Variants in PDZD9 observed in about 807,000 individuals in gnomAD.
The protein encoded by PDZD9 is PDZ domain-containing protein 9.
PDZD9 carries 13 observed loss-of-function variants against 16.3 expected under a neutral mutation model. The ratio of observed to expected loss-of-function variants is 0.80; its 90% CI spans 0.52 to 1.27. The LOEUF (loss-of-function observed/expected upper bound fraction) is 1.27. Among genes scored for constraint, PDZD9 ranks in the 50% most tolerant of loss-of-function variants. The probability of loss-of-function intolerance (pLI) is 0.00; values close to 1 mark genes in which losing one functional copy is unlikely to be tolerated. For synonymous variants in PDZD9, 120 were observed against 111.0 expected (o/e 1.08, Z -0.51); for missense variants, 288 against 310.9 (o/e 0.93, Z 0.55).
the PDZD9 span, chr16:21,962,749 T>C: frequency 6.2e-7 from 1 of 1,613,996 alleles, no homozygotes; most frequent in Non-Finnish European, 8.5e-7. Flanking sequence ...CTTATCTCGA[T>C]GTCTTCTGTA....
At chr16:21,994,876 G>A (rs1225288773) in intron 2 of PDZD9, among the ~76,000 whole-genome samples, 2 of 151,086 alleles carry the variant, frequency 1.3e-5, no homozygotes, top group Non-Finnish European at 2.9e-5. Context: ...TGTTACCCAG[G>A]TTGGCATGCA....
chr16:21,963,963 AATT>A, the PDZD9 span, among the ~76,000 whole-genome samples: 1 of 152,110 alleles, frequency 6.6e-6, no homozygotes, highest in Non-Finnish European at 1.5e-5. Context: ...TATAATGTCT[AATT>A]ATATAATCTT....
At chr16:21,993,360 G>A (rs955846337) in intron 2 of PDZD9, among the ~76,000 whole-genome samples, 3 of 152,120 alleles carry the variant, frequency 2.0e-5, no homozygotes, top group Non-Finnish European at 4.4e-5. Context: ...TGAAGAAGCT[G>A]AGAAGCAGCA....
the PDZD9 span, among the ~76,000 whole-genome samples, chr16:21,977,367 A>T: frequency 6.6e-6 from 1 of 152,046 alleles, no homozygotes; most frequent in Non-Finnish European, 1.5e-5. Flanking sequence ...AAAAAAAAAA[A>T]TGTATTTCTA....
At chr16:21,988,871 A>T in intron 2 of PDZD9, 80 bp from the exon 3 acceptor site, 2 of 1,078,684 alleles carry the variant, frequency 1.9e-6, no homozygotes, top group Non-Finnish European at 1.3e-6. Flanking sequence ...ATTGTGAGGT[A>T]TTTCATTTTA....
the PDZD9 span, chr16:21,965,462 T>C: frequency 1.2e-6 from 2 of 1,613,816 alleles, no homozygotes; most frequent in Non-Finnish European, 1.7e-6. Flanking sequence ...GCTAATCCCT[T>C]GTATTGTCCT....
chr16:21,965,643 G>T, the PDZD9 span: 1 of 633,972 alleles, frequency 1.6e-6, no homozygotes, highest in Non-Finnish European at 2.4e-6. Flanking sequence ...TCATCCACCT[G>T]CTTTTTAACT....
chr16:21,961,011 G>A, the PDZD9 span, among the ~76,000 whole-genome samples: 1 of 151,896 alleles, frequency 6.6e-6, no homozygotes, highest in Non-Finnish European at 1.5e-5. Context: ...TTTATTTTTT[G>A]TACAAATGGA....
At position 21,987,562 on chromosome 16, in the gene PDZD9, CAG is replaced by C. The variant is rs561737947; in HGVS notation, c.401+1038_401+1039del. Among the ~76,000 whole-genome samples the C allele has an allele frequency of 1.9e-3, 294 of 152,228 alleles. 3 individuals are homozygous for C. The highest frequency in any genetic ancestry group is 1.9e-3 in the Non-Finnish European group (128 of 68,022). Reference sequence around the variant, plus strand: ...AAATGGCCAGAGGTAACAGGAAAATCAGGGGAGTGTGGTGTCACAGAAGCCTG... The same window carrying C: ...AAATGGCCAGAGGTAACAGGAAAATCGGGAGTGTGGTGTCACAGAAGCCTG... On this transcript the variant is annotated intron_variant, in intron 3 of 3. Coordinates refer to ENST00000424898, the MANE Select transcript of PDZD9 (RefSeq NM_001363519.1).
the PDZD9 span, among the ~76,000 whole-genome samples, chr16:21,961,755 G>A: frequency 1.3e-5 from 2 of 149,204 alleles, no homozygotes; most frequent in South Asian, 4.3e-4. Context: ...GGGTTCAAGC[G>A]ATTCTCCTGC....
At chr16:21,998,800 A>AG (rs1202247114) in intron 1 of PDZD9, 3 of 152,212 alleles carry the variant, frequency 2.0e-5, no homozygotes, top group East Asian at 3.8e-4. Flanking sequence ...AAAAAAAAAA[A>AG]AAGAGAGAGA....
chr16:21,959,858 T>G, the PDZD9 span: 9 of 152,254 alleles, frequency 5.9e-5, no homozygotes, highest in Admixed American at 5.9e-4. Flanking sequence ...ATCAGAGCTC[T>G]TGGCATTGTT....
At chr16:21,964,692 C>CACT in the PDZD9 span, among the ~76,000 whole-genome samples, 1 of 152,164 alleles carries the variant, frequency 6.6e-6, no homozygotes, top group Non-Finnish European at 1.5e-5. Flanking sequence ...TTCCAATTCC[C>CACT]ACTGCCCTTG....
At chr16:21,977,788 C>G in the PDZD9 span, among the ~76,000 whole-genome samples, 1 of 152,290 alleles carries the variant, frequency 6.6e-6, no homozygotes, top group Admixed American at 6.5e-5. Flanking sequence ...AGAATTACAA[C>G]CCAGGATGGA....
At chr16:21,962,131 A>G in the PDZD9 span, 1 of 229,318 alleles carries the variant, frequency 4.4e-6, no homozygotes, top group African/African-American at 2.3e-5. Flanking sequence ...AGTCTCTACA[A>G]ATTTGACTAC....
the PDZD9 span, among the ~76,000 whole-genome samples, chr16:21,965,838 T>C: frequency 6.6e-6 from 1 of 152,128 alleles, no homozygotes. Context: ...GTTTTCTGTG[T>C]GTATGTATCT....
downstream of PDZD9, chr16:21,982,949 G>C (rs1898768824): frequency 1.3e-6 from 1 of 760,002 alleles, no homozygotes; most frequent in African/African-American, 1.9e-5. Context: ...GGGTGACAGA[G>C]CGAGACTCCA....
chr16:21,958,805 A>G, the PDZD9 span, among the ~76,000 whole-genome samples: 1 of 152,208 alleles, frequency 6.6e-6, no homozygotes, highest in Non-Finnish European at 1.5e-5. Context: ...GATATCTGCA[A>G]TATATAGGCA....
At chr16:21,992,495 C>G (rs945575753) in intron 2 of PDZD9, among the ~76,000 whole-genome samples, 1 of 152,062 alleles carries the variant, frequency 6.6e-6, no homozygotes, top group Non-Finnish European at 1.5e-5. Context: ...CAGACCCAAC[C>G]CTCAATCTGG....
Sources: gnomAD v4.1 joint callset for allele counts (sites outside exome capture counted in the v4.1 genomes callset) on GRCh38, gnomAD v4.1.1 for gene constraint, MANE v1.5 for transcripts, NCBI Gene and HGNC (gene_info 2026-07-23, HGNC 2026-07-21) for gene names.